GPR137C: variants seen among roughly 807,000 people sequenced by gnomAD.
GPR137C encodes integral membrane protein GPR137C.
GPR137C carries 27 observed loss-of-function variants against 43.4 expected under a neutral mutation model. The observed-to-expected ratio is 0.62, with a 90% CI of 0.46 to 0.86. GPR137C has a LOEUF of 0.86. Ranked by LOEUF, GPR137C falls within the 40% of genes least tolerant of loss-of-function variation. GPR137C has a pLI of 0.00. For missense variants in GPR137C, 522 were observed against 534.6 expected (o/e 0.98, Z 0.23); for synonymous variants, 285 against 226.9 (o/e 1.26, Z -2.30).
intron 3 of GPR137C, among the ~76,000 whole-genome samples, chr14:52,628,518 G>C (rs2039256447): frequency 6.6e-6 from 1 of 152,190 alleles, no homozygotes; most frequent in Admixed American, 6.5e-5. Context: ...TCATCAGGCT[G>C]GGCATGGTGG....
chr14:52,607,652 G>C (rs2038996519), intron 3 of GPR137C, among the ~76,000 whole-genome samples: 1 of 152,136 alleles, frequency 6.6e-6, no homozygotes, highest in African/African-American at 2.4e-5. Context: ...AAGGTGGGCA[G>C]ATGGCTTGGC....
chr14:52,577,516 G>GCGCGCACACCCACACA (rs369713179), intron 1 of GPR137C, among the ~76,000 whole-genome samples: 1 of 145,408 alleles, frequency 6.9e-6, no homozygotes, highest in Non-Finnish European at 1.5e-5. Flanking sequence ...GCGCGCGCGC[G>GCGCGCACACCCACACA]CACACACACA....
chr14:52,603,519 C>T (rs1286034639), intron 3 of GPR137C, among the ~76,000 whole-genome samples: 1 of 152,016 alleles, frequency 6.6e-6, no homozygotes, highest in Admixed American at 6.6e-5. Flanking sequence ...AAGGAACTTC[C>T]ATACTGCTTT....
At chr14:52,582,564 C>T (rs1224423745) in intron 1 of GPR137C, among the ~76,000 whole-genome samples, 2 of 152,160 alleles carry the variant, frequency 1.3e-5, no homozygotes, top group African/African-American at 2.4e-5. Flanking sequence ...GAGGCCAAGG[C>T]GGGCAGATCA....
chr14:52,610,784 A>G lies in GPR137C; in HGVS notation c.717+10443A>G, dbSNP rs146870482. 4.0e-3 allele frequency among the ~76,000 whole-genome samples: 616 copies of G among 152,306 alleles called. 3 individuals carry two copies. The highest frequency in any genetic ancestry group is 0.015 in the African/African-American group (605 of 41,578). On this transcript the variant is annotated intron_variant, in intron 3 of 6. Coordinates refer to ENST00000321662, the MANE Select transcript of GPR137C (RefSeq NM_001099652.2). ...TTTAGTAACCAAATAAGCCTTCACA[A>G]CTGGGTTGTATCAAGAGCAAATTGA...
intron 1 of GPR137C, among the ~76,000 whole-genome samples, chr14:52,593,086 T>A (rs375832638): frequency 6.6e-6 from 1 of 152,074 alleles, no homozygotes; most frequent in Admixed American, 6.6e-5. Flanking sequence ...CTATTGAGAT[T>A]ATCATGTGGT....
Position 52,626,446 on chromosome 14 carries a change from C to T in GPR137C, c.718-5714C>T, listed in dbSNP as rs1156706745. On this transcript the variant is annotated intron_variant, in intron 3 of 6. Transcript: ENST00000321662. ...AAGGCATTTGACTAAATTTGGTACC[C>T]TTCATGATTAAAAAAAAAAAACCTC... Among the ~76,000 whole-genome samples, 2 of 151,128 alleles carry T rather than the reference C, an allele frequency of 1.3e-5. 1 individual carries two copies. Among genetic ancestry groups the T allele is most frequent in the East Asian group, 3.9e-4 (2 of 5,166 alleles).
chr14:52,607,945 G>T (rs1286931765), intron 3 of GPR137C, among the ~76,000 whole-genome samples: 1 of 151,194 alleles, frequency 6.6e-6, no homozygotes, highest in African/African-American at 2.4e-5. Flanking sequence ...CTCCTTTTTG[G>T]TTTCCATTTG....
chr14:52,620,137 C>G (rs375330845), intron 3 of GPR137C, among the ~76,000 whole-genome samples: 2 of 152,150 alleles, frequency 1.3e-5, no homozygotes, highest in African/African-American at 4.8e-5. Context: ...AAGGTCCCAT[C>G]CATGGGGCAG....
intron 1 of GPR137C, among the ~76,000 whole-genome samples, chr14:52,557,099 C>CAAA (rs2038206660): frequency 6.6e-6 from 1 of 152,042 alleles, no homozygotes; most frequent in African/African-American, 2.4e-5. Flanking sequence ...TTGTTCTGTT[C>CAAA]TTTGATTTCC....
Position 52,600,270 on chromosome 14 carries a change from G to A in GPR137C, c.646G>A (p.Ala216Thr). ...TAATGATAGCCTGTTTATTCTTTGT[G>A]CCATCTCTTTAGTGTGTTACATATG... ...LINDSLFILC[A>T]ISLVCYICKI... The change falls in exon 3 of 7, where the codon GCC (alanine) becomes ACC (threonine). Residue 216 changes from alanine (A) to threonine (T), a missense_variant. By Grantham distance (58) the Ala-to-Thr change is moderately conservative (BLOSUM62 0). Around this residue, in one of 3 missense-constraint regions of GPR137C, gnomAD observed 437 missense variants for 425.7 expected, o/e 1.03. Coordinates refer to ENST00000321662, the MANE Select transcript of GPR137C (RefSeq NM_001099652.2). 6.2e-7 allele frequency: 1 copy of A among 1,613,400 alleles called. No individual in the cohort carries two copies.
rs191310289 is a variant in GPR137C, at chr14:52,637,272, A to T, written c.*2157A>T. ...TGCTTAAAAATTCCAAAGCACTAGGAGCACTTTAAGTTTGGTCTCGAAAGG... is the reference window on the plus strand; with the variant it reads ...TGCTTAAAAATTCCAAAGCACTAGGTGCACTTTAAGTTTGGTCTCGAAAGG... On this transcript the variant is annotated 3_prime_UTR_variant, in exon 7 of 7. Coordinates refer to ENST00000321662, the MANE Select transcript of GPR137C (RefSeq NM_001099652.2). 6.6e-6 allele frequency: 1 copy of T among 152,252 alleles called. No individual in the cohort carries two copies. The highest frequency in any genetic ancestry group is 1.9e-4 in the East Asian group (1 of 5,186). 9.4% of individuals were successfully genotyped at this position (152,252 alleles called of 1,614,324 possible).
intron 1 of GPR137C, among the ~76,000 whole-genome samples, chr14:52,556,882 A>T (rs1355883062): frequency 1.3e-5 from 2 of 152,054 alleles, no homozygotes; most frequent in East Asian, 1.9e-4. Context: ...TGAAGTTCTT[A>T]CTTTCAGTTT....
intron 6 of GPR137C, 31 bp from the exon 7 acceptor site, chr14:52,634,907 C>T (rs771408127): frequency 1.9e-5 from 30 of 1,603,774 alleles, no homozygotes; most frequent in Non-Finnish European, 2.5e-5. Context: ...GATCATAGTC[C>T]TATGGTCTTT....
At chr14:52,590,419 T>C (rs577002333) in intron 1 of GPR137C, among the ~76,000 whole-genome samples, 1 of 152,168 alleles carries the variant, frequency 6.6e-6, no homozygotes, top group Non-Finnish European at 1.5e-5. Flanking sequence ...TGTTCATTTT[T>C]AAAAATAAAT....
At chr14:52,626,885 AT>A (rs1455001956) in intron 3 of GPR137C, among the ~76,000 whole-genome samples, 1 of 152,194 alleles carries the variant, frequency 6.6e-6, no homozygotes. Context: ...AAAAAAAGAT[AT>A]TTAGGAATAA....
chr14:52,623,028 G>A (rs925744981), intron 3 of GPR137C, among the ~76,000 whole-genome samples: 9 of 152,028 alleles, frequency 5.9e-5, no homozygotes, highest in Non-Finnish European at 1.2e-4. Flanking sequence ...AACACAGTTG[G>A]CCCAGGATAA....
chr14:52,557,569 G>A (rs2038213505), intron 1 of GPR137C, among the ~76,000 whole-genome samples: 1 of 152,150 alleles, frequency 6.6e-6, no homozygotes, highest in Non-Finnish European at 1.5e-5. Flanking sequence ...GTTTTTGTCT[G>A]AATCTACTAA....
intron 1 of GPR137C, among the ~76,000 whole-genome samples, chr14:52,580,924 C>A (rs749817896): frequency 6.7e-6 from 1 of 149,120 alleles, no homozygotes; most frequent in Non-Finnish European, 1.5e-5. Flanking sequence ...ATTGGCCAGG[C>A]CTGGTGGCTC....
Sources: gnomAD v4.1 joint callset for allele counts (sites outside exome capture counted in the v4.1 genomes callset) on GRCh38, gnomAD v4.1.1 for gene constraint, gnomAD v4.1.1 regional missense constraint, MANE v1.5 for transcripts, NCBI Gene and HGNC (gene_info 2026-07-23, HGNC 2026-07-21) for gene names.